Variants in LRCH3 observed in about 807,000 individuals in gnomAD.
LRCH3 encodes the protein DISP complex protein LRCH3.
In LRCH3, 68 loss-of-function variants were observed where a neutral mutation model predicts 104.5. The observed-to-expected ratio is 0.65, with a 90% confidence interval of 0.54 to 0.80. The LOEUF is 0.80. Among genes scored for constraint, LRCH3 ranks in the 30% least tolerant of loss-of-function variants. The pLI, the probability that LRCH3 is intolerant of heterozygous loss-of-function variation, is 0.00. For missense variants in LRCH3, 951 were observed against 953.9 expected, an observed-to-expected ratio of 1.00 and a Z score of 0.04; for synonymous variants, 344 against 361.3, an observed-to-expected ratio of 0.95 and a Z score of 0.54.
At chr3:197,826,757 A>C in intron 4 of LRCH3, 121 bp from the exon 5 acceptor site, 2 of 1,230,900 alleles carry the variant, frequency 1.6e-6, no homozygotes, top group Non-Finnish European at 2.3e-6. Flanking sequence ...CTACCAGTTA[A>C]TCACTAAAAG....
intron 3 of LRCH3, among the ~76,000 whole-genome samples, chr3:197,819,716 CA>C (rs1039983602): frequency 1.4e-5 from 2 of 146,232 alleles, no homozygotes; most frequent in Non-Finnish European, 3.0e-5. Flanking sequence ...GACTCCATCT[CA>C]AAAAAAAGAA....
intron 1 of LRCH3, among the ~76,000 whole-genome samples, chr3:197,801,168 C>T (rs561433121): frequency 6.0e-5 from 9 of 150,948 alleles, no homozygotes; most frequent in South Asian, 4.2e-4. Context: ...AACATAATGT[C>T]GAGAAAGTGA....
At chr3:197,820,242 A>G (rs1285783599) in intron 3 of LRCH3, 83 bp from the exon 4 acceptor site, 1 of 991,706 alleles carries the variant, frequency 1.0e-6, no homozygotes, top group South Asian at 1.4e-5. Context: ...AGGTCTCCCA[A>G]ACATATCTAA....
chr3:197,852,490 T>C, intron 12 of LRCH3, 71 bp from the exon 13 acceptor site: 4 of 1,348,230 alleles, frequency 3.0e-6, no homozygotes, highest in Non-Finnish European at 3.1e-6. Context: ...TTTTAGTAAA[T>C]AGAATTTGTT....
At position 197,858,835 on chromosome 3, in the gene LRCH3, C is replaced by G. The variant is rs773238353; in HGVS notation, c.1646C>G (p.Ser549Trp). ...TTCTCTTTCTCATTTGAAATGTAGT[C>G]GCTGTCAGGGTTGAATCAAGTGGGC... ...QHTDDSALCM[S>W]LSGLNQVGCA... is the part of the protein sequence containing the mutation. The change falls in exon 15 of 21, where the codon TCG becomes TGG. Residue 549 changes from serine to tryptophan, a missense_variant and splice_region_variant. By Grantham distance (177) the Ser-to-Trp change is radical. Transcript: ENST00000425562. 9 of 1,612,804 alleles carry G rather than the reference C, an allele frequency of 5.6e-6. No individual in the cohort carries two copies. The highest frequency in any genetic ancestry group is 7.6e-6 in the Non-Finnish European group (9 of 1,178,940).
intron 1 of LRCH3, among the ~76,000 whole-genome samples, chr3:197,807,182 C>T (rs1732588012): frequency 6.6e-6 from 1 of 150,802 alleles, no homozygotes; most frequent in Non-Finnish European, 1.5e-5. Context: ...TATCCTTCTA[C>T]TTGAAGTGAG....
At chr3:197,827,271 A>G (rs553419372) in intron 5 of LRCH3, among the ~76,000 whole-genome samples, 2 of 152,276 alleles carry the variant, frequency 1.3e-5, no homozygotes, top group South Asian at 4.2e-4. Flanking sequence ...GCATCAGGTA[A>G]ACCATAGTGG....
At chr3:197,868,940 T>TA (rs1476083269) in intron 17 of LRCH3, among the ~76,000 whole-genome samples, 1 of 152,224 alleles carries the variant, frequency 6.6e-6, no homozygotes, top group Non-Finnish European at 1.5e-5. Flanking sequence ...GCACTGTGCT[T>TA]ACGATTTGTG....
At chr3:197,825,662 G>A (rs1232244344) in intron 4 of LRCH3, among the ~76,000 whole-genome samples, 2 of 151,000 alleles carry the variant, frequency 1.3e-5, no homozygotes, top group Admixed American at 6.6e-5. Context: ...TGTATTTTTA[G>A]TAGAGACGGG....
intron 4 of LRCH3, among the ~76,000 whole-genome samples, chr3:197,825,001 T>C (rs1490854062): frequency 6.6e-6 from 1 of 152,220 alleles, no homozygotes; most frequent in Admixed American, 6.5e-5. Flanking sequence ...GAGAACATAT[T>C]TTTGAGACTT....
At chr3:197,801,617 T>C (rs569896764) in intron 1 of LRCH3, among the ~76,000 whole-genome samples, 1 of 152,316 alleles carries the variant, frequency 6.6e-6, no homozygotes, top group African/African-American at 2.4e-5. Flanking sequence ...TAGGCACTTA[T>C]TGTTTTCTTA....
At chr3:197,837,180 C>T (rs1262721665) in intron 9 of LRCH3, among the ~76,000 whole-genome samples, 1 of 152,032 alleles carries the variant, frequency 6.6e-6, no homozygotes, top group Non-Finnish European at 1.5e-5. Context: ...GAGCAAGGGG[C>T]AACTAACTAT....
intron 10 of LRCH3, among the ~76,000 whole-genome samples, chr3:197,845,067 G>C (rs926419269): frequency 3.0e-4 from 46 of 152,276 alleles, no homozygotes; most frequent in African/African-American, 9.6e-4. Flanking sequence ...GCAAAATACA[G>C]TAATGAGATA....
chr3:197,864,681 C>T (rs974658581), intron 15 of LRCH3, among the ~76,000 whole-genome samples: 1 of 149,224 alleles, frequency 6.7e-6, no homozygotes, highest in Non-Finnish European at 1.5e-5. Context: ...TTCATTTCAC[C>T]AAATCCTCAT....
intron 5 of LRCH3, among the ~76,000 whole-genome samples, chr3:197,828,511 A>G (rs968587133): frequency 2.0e-5 from 3 of 151,062 alleles, no homozygotes; most frequent in Admixed American, 6.6e-5. Flanking sequence ...ATGCCTGGCT[A>G]ATTTTTTGTA....
rs765351077 is a variant in LRCH3 at position 197,854,350 on chromosome 3, A to T, written c.1591-42A>T. 5.8e-6 allele frequency: 9 copies of T among 1,550,232 alleles called. No homozygotes were observed. Among genetic ancestry groups the T allele is most frequent in the Non-Finnish European group, 8.0e-6 (9 of 1,121,654 alleles). On this transcript the variant is annotated intron_variant, in intron 13 of 20. Transcript: ENST00000425562. This position sits in a 1 kb window ranked among gnomAD's most constrained non-coding sequence, Gnocchi z 4.5. ...CGTGAAATACGTCACACGTGTGCGT[A>T]GTTTGTTTCTGACATGGCTTCATTT...
rs1560529295 is a variant in LRCH3, at chr3:197,810,617, T to C, written c.263-4291T>C. ...GTATATTATCTCGGGTTTTTAGTTA[T>C]AAATTAAAATTTTACATAATTTTAG... is the stretch of plus-strand genomic sequence containing the variant. On this transcript the variant is annotated intron_variant, in intron 1 of 20. Transcript: ENST00000425562. The surrounding 1 kb of genome is among the most constrained non-coding windows in gnomAD (Gnocchi z 4.0). Among the ~76,000 whole-genome samples, 1 of 152,164 alleles carries C rather than the reference T, an allele frequency of 6.6e-6. No homozygotes were observed. Among genetic ancestry groups the C allele is most frequent in the Non-Finnish European group, 1.5e-5 (1 of 68,030 alleles).
intron 4 of LRCH3, among the ~76,000 whole-genome samples, chr3:197,824,912 C>T (rs771736279): frequency 6.6e-5 from 10 of 152,210 alleles, no homozygotes; most frequent in Admixed American, 5.9e-4. Context: ...ACTCTGAGTC[C>T]TAGACTCTGG....
intron 9 of LRCH3, among the ~76,000 whole-genome samples, chr3:197,837,736 A>G (rs1357402940): frequency 6.6e-6 from 1 of 151,982 alleles, no homozygotes; most frequent in Non-Finnish European, 1.5e-5. Flanking sequence ...ATAATTTTAG[A>G]TAATTGCAGT....
Sources: allele counts gnomAD v4.1 joint callset (sites outside exome capture counted in the v4.1 genomes callset), GRCh38; gene constraint gnomAD v4.1.1; non-coding constraint Gnocchi (gnomAD v3.1); transcripts MANE v1.5; gene names NCBI Gene and HGNC (gene_info 2026-07-23, HGNC 2026-07-21).